Variants in HTT observed in about 807,000 individuals in gnomAD.
HTT encodes the protein huntingtin, also known as huntington disease protein.
HTT carries 104 observed loss-of-function variants against 362.3 expected under a neutral mutation model. The observed-to-expected ratio is 0.29, with a 90% CI of 0.24 to 0.34. The LOEUF (loss-of-function observed/expected upper bound fraction) is 0.34. Among genes scored for constraint, HTT ranks in the 10% least tolerant of loss-of-function variants. The probability of loss-of-function intolerance (pLI) is 1.00; values close to 1 mark genes in which losing one functional copy is unlikely to be tolerated. For missense variants in HTT, 3,301 were observed against 3,928.6 expected (o/e 0.84, Z 4.27); for synonymous variants, 1,577 against 1,548.7 (o/e 1.02, Z -0.43).
intron 49 of HTT, 185 bp downstream of exon 49, chr4:3,212,894 C>A: frequency 1.6e-6 from 1 of 633,192 alleles, no homozygotes; most frequent in Admixed American, 2.8e-5. Context: ...CCTCACCTCG[C>A]CACTCCTCAT....
intron 2 of HTT, among the ~76,000 whole-genome samples, chr4:3,096,980 G>A (rs1713889677): frequency 6.6e-6 from 1 of 152,134 alleles, no homozygotes; most frequent in Admixed American, 6.5e-5. Flanking sequence ...TTAGCCAGGT[G>A]TGGTGGCATG....
At chr4:3,230,126 C>A in intron 60 of HTT, 84 bp downstream of exon 60, 1 of 1,212,386 alleles carries the variant, frequency 8.2e-7, no homozygotes, top group Non-Finnish European at 1.2e-6. Flanking sequence ...CCAGAGGTGC[C>A]GGGTGCGGCT....
chr4:3,168,181 AAGATATCC>A (rs1302736666), intron 29 of HTT, among the ~76,000 whole-genome samples: 1 of 152,222 alleles, frequency 6.6e-6, no homozygotes, highest in African/African-American at 2.4e-5. Flanking sequence ...GGCAGCTGGA[AAGATATCC>A]AGATGCTTAG....
intron 40 of HTT, 86 bp downstream of exon 40, chr4:3,189,179 G>C: frequency 7.4e-7 from 1 of 1,352,282 alleles, no homozygotes; most frequent in Non-Finnish European, 1.0e-6. Flanking sequence ...TGTGCTGCCC[G>C]GTAGAAACTC....
In HTT at chr4:3,208,920, C is replaced by G. The variant is rs1361376089; in HGVS notation, c.6291+9C>G. 6.2e-7 allele frequency: 1 copy of G among 1,607,634 alleles called. No individual in the cohort carries two copies. Among genetic ancestry groups the G allele is most frequent in the African/African-American group, 1.3e-5 (1 of 74,640 alleles). ...CAGTGAGTCCGGACAAAGTAAGTGT[C>G]CAGCGTGTCTGCATGGGAGGCACAG... is the stretch of plus-strand genomic sequence containing the variant. On this transcript the variant is annotated intron_variant, in intron 46 of 66. Coordinates refer to ENST00000355072, the MANE Select transcript of HTT (RefSeq NM_001388492.1).
intron 29 of HTT, among the ~76,000 whole-genome samples, chr4:3,168,240 T>C (rs1219985377): frequency 6.6e-6 from 1 of 152,198 alleles, no homozygotes; most frequent in Non-Finnish European, 1.5e-5. Context: ...TATTGAGCCT[T>C]ATCTGTGACC....
At chr4:3,190,355 CAA>C (rs112330064) in intron 40 of HTT, among the ~76,000 whole-genome samples, 3 of 132,106 alleles carry the variant, frequency 2.3e-5, no homozygotes, top group South Asian at 2.4e-4. Flanking sequence ...AAAAAAAATC[CAA>C]AAAAAAAAAA....
At chr4:3,077,845 A>T (rs1445092894) in intron 1 of HTT, among the ~76,000 whole-genome samples, 1 of 151,506 alleles carries the variant, frequency 6.6e-6, no homozygotes, top group Non-Finnish European at 1.5e-5. Flanking sequence ...CTGTTGAGAA[A>T]GGAGGTATTC....
intron 35 of HTT, among the ~76,000 whole-genome samples, chr4:3,178,757 G>A (rs1019867271): frequency 6.6e-6 from 1 of 152,190 alleles, no homozygotes; most frequent in Non-Finnish European, 1.5e-5. Context: ...TTCTTCACTT[G>A]ATCTTAGCCA....
intron 26 of HTT, among the ~76,000 whole-genome samples, chr4:3,153,793 G>C (rs943607904): frequency 2.0e-5 from 3 of 152,076 alleles, no homozygotes; most frequent in Non-Finnish European, 4.4e-5. Flanking sequence ...GTGATGTGGC[G>C]TGTGCCTGTG....
At chr4:3,122,717 G>A (rs1038394972) in intron 9 of HTT, among the ~76,000 whole-genome samples, 172 bp from the exon 10 acceptor site, 1 of 152,154 alleles carries the variant, frequency 6.6e-6, no homozygotes, top group Non-Finnish European at 1.5e-5. Context: ...GAATGTTAAT[G>A]TAATTTTCAT....
At chr4:3,103,317 C>T (rs941552326) in intron 3 of HTT, among the ~76,000 whole-genome samples, 7 of 150,788 alleles carry the variant, frequency 4.6e-5, no homozygotes, top group South Asian at 2.1e-4. Context: ...CTCCGCCTCC[C>T]GGGTTCAAAC....
chr4:3,125,464 G>A, intron 10 of HTT, 85 bp from the exon 11 acceptor site: 1 of 788,188 alleles, frequency 1.3e-6, no homozygotes, highest in South Asian at 1.5e-5. Context: ...ATATTCTTAT[G>A]AGTTTCATTT....
chr4:3,217,044 A>C (rs1720440471), intron 51 of HTT, among the ~76,000 whole-genome samples: 1 of 151,966 alleles, frequency 6.6e-6, no homozygotes, highest in South Asian at 2.1e-4. Flanking sequence ...AAAAAATATT[A>C]ATAAAGCCAA....
chr4:3,173,233 T>A, intron 31 of HTT, 102 bp downstream of exon 31: 1 of 848,374 alleles, frequency 1.2e-6, no homozygotes, highest in Non-Finnish European at 1.9e-6. Context: ...GCGAACATCT[T>A]CTAATAGTCT....
intron 6 of HTT, among the ~76,000 whole-genome samples, chr4:3,111,349 A>C (rs1279382372): frequency 6.6e-6 from 1 of 152,106 alleles, no homozygotes; most frequent in African/African-American, 2.4e-5. Context: ...GTGCACCACC[A>C]TGCCCGGCTA....
intron 1 of HTT, among the ~76,000 whole-genome samples, chr4:3,075,468 T>G (rs116501642): frequency 6.6e-6 from 1 of 152,016 alleles, no homozygotes; most frequent in Non-Finnish European, 1.5e-5. Context: ...TTTAACTGCG[T>G]TGTGAAGAGA....
chr4:3,176,025 G>GGTTTT (rs1553917203), intron 33 of HTT, among the ~76,000 whole-genome samples: 4 of 139,130 alleles, frequency 2.9e-5, no homozygotes, highest in African/African-American at 1.2e-4. Context: ...GTTGTTGTTT[G>GGTTTT]TTTTTTTTTG....
chr4:3,173,236 A>G (rs1718075934), intron 31 of HTT, 105 bp downstream of exon 31: 1 of 841,002 alleles, frequency 1.2e-6, no homozygotes, highest in Admixed American at 2.0e-5. Flanking sequence ...AACATCTTCT[A>G]ATAGTCTGCT....
Sources: allele counts gnomAD v4.1 joint callset (sites outside exome capture counted in the v4.1 genomes callset), GRCh38; gene constraint gnomAD v4.1.1; transcripts MANE v1.5; gene names NCBI Gene and HGNC (gene_info 2026-07-23, HGNC 2026-07-21).